ADARB1: variants seen among roughly 807,000 people sequenced by gnomAD.
ADARB1 encodes double-stranded RNA-specific editase 1.
Under a neutral mutation model 52.4 loss-of-function variants are expected in ADARB1, and 10 were observed. The observed-to-expected ratio is 0.19, with a 90% CI of 0.12 to 0.32. The LOEUF is 0.32. ADARB1 is among the 10% of genes least tolerant of loss of function. The pLI is 1.00. For missense variants in ADARB1, 643 were observed against 922.3 expected (o/e 0.70, Z 3.92); for synonymous variants, 349 against 371.1 (o/e 0.94, Z 0.68).
At chr21:45,099,754 C>G (rs77938229) in intron 1 of ADARB1, among the ~76,000 whole-genome samples, 2,152 of 152,298 alleles carry the variant, frequency 0.014, 48 homozygotes, top group African/African-American at 0.05. Flanking sequence ...ACAGTAAGCC[C>G]GTGTGAAGTG....
At chr21:45,097,991 C>T (rs923065953) in intron 1 of ADARB1, among the ~76,000 whole-genome samples, 5 of 152,140 alleles carry the variant, frequency 3.3e-5, no homozygotes, top group East Asian at 3.9e-4. Context: ...TTACAGTGAA[C>T]GTCACCAACA....
chr21:45,177,341 ATG>A (rs1226295207), intron 4 of ADARB1: 1 of 152,424 alleles, frequency 6.6e-6, no homozygotes, highest in Non-Finnish European at 1.5e-5. Flanking sequence ...CATGGGCTGT[ATG>A]AGGACTTCCC....
intron 9 of ADARB1, among the ~76,000 whole-genome samples, chr21:45,219,803 G>T (rs766481776): frequency 2.6e-5 from 4 of 152,090 alleles, no homozygotes; most frequent in Non-Finnish European, 5.9e-5. Context: ...TTCCCCAGGG[G>T]GTTTCTGCTA....
Position 45,225,648 on chromosome 21 carries a change from C to T in ADARB1, c.*3451C>T. 1 of 1,114,474 alleles carries T rather than the reference C, an allele frequency of 9.0e-7. No homozygotes were observed. The highest frequency in any genetic ancestry group is 1.2e-6 in the Non-Finnish European group (1 of 841,820). 69.0% of individuals were successfully genotyped at this position (1,114,474 alleles called of 1,614,324 possible). A position where few individuals can be genotyped will look rare whatever the true frequency, so the allele number is the denominator to read the frequency against. On this transcript the variant is annotated 3_prime_UTR_variant, in exon 11 of 11. Transcript: ENST00000348831. ...TGCACATCCGGACCTGCCCATGTCT[C>T]AAAACAAACACATGTACAGTGGCTC...
chr21:45,099,787 G>C (rs1413675908), intron 1 of ADARB1, among the ~76,000 whole-genome samples: 1 of 152,168 alleles, frequency 6.6e-6, no homozygotes, highest in East Asian at 1.9e-4. Flanking sequence ...TCTGAGGCTG[G>C]CTGGATCTGG....
intron 1 of ADARB1, among the ~76,000 whole-genome samples, chr21:45,095,899 T>C (rs556668314): frequency 6.6e-6 from 1 of 152,220 alleles, no homozygotes; most frequent in Non-Finnish European, 1.5e-5. Context: ...GGTTCCTGAC[T>C]GAGGGAGGCC....
At position 45,176,315 on chromosome 21, in the gene ADARB1, A is replaced by G. The variant is rs1344322459; in HGVS notation, c.614A>G (p.Asp205Gly). The change falls in exon 4 of 11, where the codon GAC becomes GGC. Residue 205 changes from aspartate (D) to glycine (G), a missense_variant. Physicochemically the swap from Asp to Gly is moderately conservative, Grantham distance 94. Around this residue, in one of 2 missense-constraint regions of ADARB1, gnomAD observed 380 missense variants for 446.5 expected, o/e 0.85. Transcript: ENST00000348831. This position sits in a 1 kb window ranked among gnomAD's most constrained non-coding sequence, Gnocchi z 5.8. ...GATGACTCCTTCAGTTCCAGCGGGG[A>G]CCTCAGCTTGTCTGCTTCCCCGGTG... ...NGDDSFSSSGDLSLSASPVPA... is the reference protein window; with the variant it reads ...NGDDSFSSSGGLSLSASPVPA... 1.2e-6 allele frequency: 2 copies of G among 1,613,740 alleles called. No individual in the cohort carries two copies. Among genetic ancestry groups the G allele is most frequent in the Non-Finnish European group, 8.5e-7 (1 of 1,179,880 alleles).
intron 1 of ADARB1, among the ~76,000 whole-genome samples, chr21:45,106,087 A>C (rs1019508838): frequency 6.6e-6 from 1 of 152,036 alleles, no homozygotes; most frequent in Non-Finnish European, 1.5e-5. Context: ...CAACCTGATG[A>C]AGTTGTTCTT....
At chr21:45,084,517 T>C (rs979041840) in intron 1 of ADARB1, among the ~76,000 whole-genome samples, 4 of 152,224 alleles carry the variant, frequency 2.6e-5, no homozygotes, top group Non-Finnish European at 5.9e-5. Flanking sequence ...GGGATTAGAA[T>C]TGATCCCTTT....
intron 8 of ADARB1, among the ~76,000 whole-genome samples, chr21:45,193,177 C>T (rs1254236794): frequency 6.6e-6 from 1 of 152,130 alleles, no homozygotes; most frequent in African/African-American, 2.4e-5. Flanking sequence ...GAACATAGAT[C>T]CAAAAGTTCT....
intron 1 of ADARB1, among the ~76,000 whole-genome samples, chr21:45,123,352 A>C (rs924983438): frequency 1.3e-5 from 2 of 152,176 alleles, no homozygotes; most frequent in African/African-American, 2.4e-5. Flanking sequence ...GGCCCAGGCC[A>C]GAATGCAGTG....
intron 7 of ADARB1, 198 bp from the exon 8 acceptor site, chr21:45,184,725 A>G: frequency 1.7e-6 from 1 of 572,532 alleles, no homozygotes; most frequent in Non-Finnish European, 2.9e-6. Context: ...TGCTGAGATT[A>G]CAGGTGTGAG....
intron 2 of ADARB1, among the ~76,000 whole-genome samples, chr21:45,150,374 A>G (rs1039709685): frequency 6.6e-5 from 10 of 152,224 alleles, no homozygotes; most frequent in African/African-American, 2.4e-4. Context: ...CAAAGCAAAA[A>G]TTATAATTTT....
Position 45,204,330 on chromosome 21 carries a change from G to C in ADARB1, c.1566-225G>C, listed in dbSNP as rs116051069. ...TGTGGCTCATTGATTGTGGGAAAAC[G>C]TAATGGTAAAAACAAACACAGTGTA... On this transcript the variant is annotated intron_variant, in intron 8 of 10. Transcript: ENST00000348831. This position sits in a 1 kb window ranked among gnomAD's most constrained non-coding sequence, Gnocchi z 4.4. 6.6e-6 allele frequency among the ~76,000 whole-genome samples: 1 copy of C among 152,186 alleles called. No homozygotes were observed. The highest frequency in any genetic ancestry group is 1.5e-5 in the Non-Finnish European group (1 of 68,030).
At chr21:45,137,648 G>GCT (rs1488718813) in intron 2 of ADARB1, among the ~76,000 whole-genome samples, 1 of 152,224 alleles carries the variant, frequency 6.6e-6, no homozygotes, top group African/African-American at 2.4e-5. Flanking sequence ...CCTGATTGAG[G>GCT]CTCTGAGGGT....
At chr21:45,218,147 C>T (rs922559102) in intron 9 of ADARB1, among the ~76,000 whole-genome samples, 1 of 152,056 alleles carries the variant, frequency 6.6e-6, no homozygotes, top group African/African-American at 2.4e-5. Flanking sequence ...ATTTTCCGTT[C>T]CCCCTTCTCT....
At chr21:45,083,423 A>G (rs1198419662) in intron 1 of ADARB1, among the ~76,000 whole-genome samples, 1 of 152,220 alleles carries the variant, frequency 6.6e-6, no homozygotes, top group Admixed American at 6.5e-5. Context: ...AAAACATTCA[A>G]AATTGTTATA....
intron 8 of ADARB1, among the ~76,000 whole-genome samples, chr21:45,192,801 A>G (rs542036981): frequency 9.9e-5 from 15 of 152,256 alleles, no homozygotes; most frequent in Non-Finnish European, 1.8e-4. Context: ...AAGAGAAATT[A>G]TAAACAAGGC....
At chr21:45,107,486 T>G (rs1319091815) in intron 1 of ADARB1, among the ~76,000 whole-genome samples, 3 of 151,950 alleles carry the variant, frequency 2.0e-5, no homozygotes, top group Non-Finnish European at 4.4e-5. Flanking sequence ...TGGAAAATAG[T>G]GTGGCAAGGT....
Sources: gnomAD v4.1 joint callset for allele counts (sites outside exome capture counted in the v4.1 genomes callset) on GRCh38, gnomAD v4.1.1 for gene constraint, gnomAD v4.1.1 regional missense constraint, Gnocchi (gnomAD v3.1) non-coding constraint, MANE v1.5 for transcripts, NCBI Gene and HGNC (gene_info 2026-07-23, HGNC 2026-07-21) for gene names.